Variants in FHIT observed in about 807,000 individuals in gnomAD.
FHIT encodes fragile histidine triad diadenosine triphosphatase.
Under a neutral mutation model 17.9 loss-of-function variants are expected in FHIT, and 19 were observed. The ratio of observed to expected loss-of-function variants is 1.06; its 90% confidence interval spans 0.74 to 1.56. FHIT has a LOEUF of 1.56. FHIT is among the 40% of genes most tolerant of loss of function. The probability of loss-of-function intolerance (pLI) is 0.00; values close to 1 mark genes in which losing one functional copy is unlikely to be tolerated. For missense variants in FHIT, 248 were observed against 189.2 expected (o/e 1.31, Z -1.82); for synonymous variants, 81 against 69.7 (o/e 1.16, Z -0.81).
At chr3:60,882,854 G>A (rs781855886) in intron 3 of FHIT, among the ~76,000 whole-genome samples, 6 of 152,136 alleles carry the variant, frequency 3.9e-5, no homozygotes, top group Non-Finnish European at 7.4e-5. Context: ...AACATTGGAA[G>A]TCCTAGCCAG....
chr3:60,515,675 T>A (rs1415657147), intron 5 of FHIT, among the ~76,000 whole-genome samples: 1 of 151,804 alleles, frequency 6.6e-6, no homozygotes, highest in Non-Finnish European at 1.5e-5. Flanking sequence ...CTCATAACAA[T>A]AGAAACTTAA....
chr3:60,278,801 AT>A (rs1235390353), intron 5 of FHIT, among the ~76,000 whole-genome samples: 1 of 152,196 alleles, frequency 6.6e-6, no homozygotes, highest in Non-Finnish European at 1.5e-5. Context: ...GCAAAAAGAA[AT>A]TTCTTAAAGA....
At chr3:60,525,096 T>C (rs1446686892) in intron 5 of FHIT, among the ~76,000 whole-genome samples, 1 of 152,184 alleles carries the variant, frequency 6.6e-6, no homozygotes, top group Non-Finnish European at 1.5e-5. Flanking sequence ...AGGAAGCCAC[T>C]GTGGGGATAA....
chr3:60,146,892 C>T (rs190515755), intron 5 of FHIT, among the ~76,000 whole-genome samples: 16 of 152,268 alleles, frequency 1.1e-4, no homozygotes, highest in Admixed American at 7.9e-4. Context: ...GAAAAATATG[C>T]TCTTGCAACA....
At chr3:60,191,328 T>C (rs983648139) in intron 5 of FHIT, among the ~76,000 whole-genome samples, 2 of 152,176 alleles carry the variant, frequency 1.3e-5, no homozygotes, top group African/African-American at 2.4e-5. Flanking sequence ...AATAGCAGTA[T>C]TTTCTGCTTT....
At chr3:59,952,640 G>C (rs1392690499) in intron 7 of FHIT, among the ~76,000 whole-genome samples, 3 of 152,158 alleles carry the variant, frequency 2.0e-5, no homozygotes, top group African/African-American at 4.8e-5. Context: ...TCTGAAGTTA[G>C]CCAGTAAGGG....
At chr3:59,783,115 A>T (rs1189941623) in intron 8 of FHIT, among the ~76,000 whole-genome samples, 2 of 152,092 alleles carry the variant, frequency 1.3e-5, no homozygotes, top group Non-Finnish European at 2.9e-5. Flanking sequence ...TACCCAGAGG[A>T]ATTTGTTTCC....
chr3:60,289,901 C>T (rs542440721), intron 5 of FHIT, among the ~76,000 whole-genome samples: 43 of 152,300 alleles, frequency 2.8e-4, no homozygotes, highest in African/African-American at 1.0e-3. Flanking sequence ...ATTCTCTCTG[C>T]AGCAGCACAT....
In FHIT at chr3:59,748,099, C is replaced by A. The variant is rs1236768902; in HGVS notation, c.*1486G>T. ...TGAATCTCACTCCTAGTTGCTAAGG[C>A]AAGCAACTATGCAGAGCTGGAAATC... On this transcript the variant is annotated 3_prime_UTR_variant, in exon 10 of 10. Transcript: ENST00000492590. Among the ~76,000 whole-genome samples the A allele has an allele frequency of 6.6e-6, 1 of 152,126 alleles. No homozygotes were observed. The highest frequency in any genetic ancestry group is 1.5e-5 in the Non-Finnish European group (1 of 68,030).
intron 4 of FHIT, among the ~76,000 whole-genome samples, chr3:60,566,409 CG>C (rs1396658881): frequency 6.6e-6 from 1 of 151,860 alleles, no homozygotes; most frequent in African/African-American, 2.4e-5. Flanking sequence ...AATTCAACAA[CG>C]CTTCATGCTA....
intron 4 of FHIT, among the ~76,000 whole-genome samples, chr3:60,766,510 A>G (rs1428673852): frequency 6.6e-6 from 1 of 152,214 alleles, no homozygotes; most frequent in African/African-American, 2.4e-5. Flanking sequence ...TTCTTCCTGT[A>G]TAGAAGCTAG....
At chr3:60,329,287 A>G (rs1440557108) in intron 5 of FHIT, among the ~76,000 whole-genome samples, 1 of 152,044 alleles carries the variant, frequency 6.6e-6, no homozygotes, top group Non-Finnish European at 1.5e-5. Flanking sequence ...TGAGTGTTCT[A>G]GCCATTAGCC....
chr3:60,345,917 C>T (rs1271249548), intron 5 of FHIT, among the ~76,000 whole-genome samples: 1 of 152,222 alleles, frequency 6.6e-6, no homozygotes, highest in East Asian at 1.9e-4. Context: ...ACATTTCTTA[C>T]TTGAAGATGC....
intron 7 of FHIT, among the ~76,000 whole-genome samples, chr3:59,954,323 T>G (rs1055960782): frequency 1.3e-5 from 2 of 149,850 alleles, no homozygotes; most frequent in East Asian, 4.0e-4. Flanking sequence ...CTTTCAGAAC[T>G]CAACAAAGCT....
chr3:60,173,802 G>T (rs918758874), intron 5 of FHIT, among the ~76,000 whole-genome samples: 7 of 144,696 alleles, frequency 4.8e-5, no homozygotes, highest in African/African-American at 1.8e-4. Context: ...ATCGAGAAAA[G>T]GACATTAAAT....
At chr3:59,974,373 G>A (rs1206266096) in intron 7 of FHIT, among the ~76,000 whole-genome samples, 1 of 152,178 alleles carries the variant, frequency 6.6e-6, no homozygotes, top group East Asian at 1.9e-4. Flanking sequence ...GCTTCTAAAT[G>A]TGTTGGTTAG....
intron 5 of FHIT, among the ~76,000 whole-genome samples, chr3:60,515,190 G>T (rs1030222733): frequency 1.3e-5 from 2 of 152,156 alleles, no homozygotes; most frequent in South Asian, 4.1e-4. Context: ...CCATCCTAGT[G>T]TGAGCGGAAG....
chr3:59,840,271 C>T (rs1701482811), intron 8 of FHIT, among the ~76,000 whole-genome samples: 1 of 151,916 alleles, frequency 6.6e-6, no homozygotes, highest in Admixed American at 6.6e-5. Context: ...ATTTTTGTGG[C>T]CCCACTGAGG....
intron 4 of FHIT, among the ~76,000 whole-genome samples, chr3:60,583,697 G>T (rs781973451): frequency 1.3e-5 from 2 of 152,010 alleles, no homozygotes; most frequent in African/African-American, 4.8e-5. Flanking sequence ...GTGGGCAGGT[G>T]GTAATTTGCC....
Sources: allele counts gnomAD v4.1 joint callset (sites outside exome capture counted in the v4.1 genomes callset), GRCh38; gene constraint gnomAD v4.1.1; transcripts MANE v1.5; gene names NCBI Gene and HGNC (gene_info 2026-07-23, HGNC 2026-07-21).